Variants in ATP2B1 observed in about 807,000 individuals in gnomAD.
The protein encoded by ATP2B1 is ATPase plasma membrane Ca2+ transporting 1.
ATP2B1 carries 14 observed loss-of-function variants against 124.2 expected under a neutral mutation model. The observed-to-expected ratio is 0.11, with a 90% CI of 0.07 to 0.18. ATP2B1 has a LOEUF of 0.18. Ranked by LOEUF, ATP2B1 falls within the 10% of genes least tolerant of loss-of-function variation. The probability of loss-of-function intolerance (pLI) is 1.00; values close to 1 mark genes in which losing one functional copy is unlikely to be tolerated. For synonymous variants in ATP2B1, 449 were observed against 492.4 expected, an observed-to-expected ratio of 0.91 and a Z score of 1.17; for missense variants, 763 against 1,466.1, an observed-to-expected ratio of 0.52 and a Z score of 7.83.
At chr12:89,655,564 C>T (rs759431748) in intron 2 of ATP2B1, 115 bp downstream of exon 2, 24 of 1,006,018 alleles carry the variant, frequency 2.4e-5, no homozygotes, top group Non-Finnish European at 3.3e-5. Context: ...TTTAATGTCA[C>T]TATAATTATG....
In ATP2B1 at chr12:89,603,950, G is replaced by C; in HGVS notation, c.2635-25C>G. On this transcript the variant is annotated intron_variant, in intron 16 of 20. Coordinates refer to ENST00000428670, the MANE Select transcript of ATP2B1 (RefSeq NM_001366521.1). The surrounding 1 kb of genome is among the most constrained non-coding windows in gnomAD (Gnocchi z 4.3). The stretch of plus-strand genomic sequence containing the variant: ...CCTAGAAAAGATATGTTTCCTAATA[G>C]ACATTCACAACTACTCAGGGGCTCA... 1 of 1,606,334 alleles carries C rather than the reference G, an allele frequency of 6.2e-7. No homozygotes were observed. Among genetic ancestry groups the C allele is most frequent in the South Asian group, 1.1e-5 (1 of 90,648 alleles).
intron 1 of ATP2B1, among the ~76,000 whole-genome samples, chr12:89,686,922 T>C (rs556118359): frequency 6.6e-6 from 1 of 152,148 alleles, no homozygotes; most frequent in East Asian, 1.9e-4. Context: ...TCCTTTAATA[T>C]AATACTCCTC....
At chr12:89,609,847 A>G in intron 15 of ATP2B1, 90 bp downstream of exon 15, 1 of 1,201,116 alleles carries the variant, frequency 8.3e-7, no homozygotes, top group Non-Finnish European at 1.2e-6. Flanking sequence ...AGTGTTTAAA[A>G]TCCATAGTAA....
chr12:89,597,766 G>C (rs1456816900), intron 20 of ATP2B1, among the ~76,000 whole-genome samples: 1 of 151,956 alleles, frequency 6.6e-6, no homozygotes, highest in East Asian at 1.9e-4. Context: ...TAGCTTATAA[G>C]GCTTTTAGAA....
In ATP2B1 at chr12:89,603,958, C is replaced by T. The variant is rs372131719; in HGVS notation, c.2635-33G>A. 15 of 1,599,666 alleles carry T rather than the reference C, an allele frequency of 9.4e-6. No homozygotes were observed. In the African/African-American group the frequency reaches 1.5e-4, roughly 16 times the overall value. On this transcript the variant is annotated intron_variant, in intron 16 of 20. Coordinates refer to ENST00000428670, the MANE Select transcript of ATP2B1 (RefSeq NM_001366521.1). This position sits in a 1 kb window ranked among gnomAD's most constrained non-coding sequence, Gnocchi z 4.3. ...AGATATGTTTCCTAATAGACATTCACAACTACTCAGGGGCTCAGCAATTCT... is the reference window on the plus strand; with the variant it reads ...AGATATGTTTCCTAATAGACATTCATAACTACTCAGGGGCTCAGCAATTCT...
At chr12:89,605,620 T>C (rs1470214299) in intron 15 of ATP2B1, among the ~76,000 whole-genome samples, 2 of 152,144 alleles carry the variant, frequency 1.3e-5, no homozygotes, top group African/African-American at 2.4e-5. Context: ...TATTCTGTTA[T>C]CACAATACAA....
chr12:89,621,083 A>G (rs888173699), intron 10 of ATP2B1, among the ~76,000 whole-genome samples: 4 of 152,154 alleles, frequency 2.6e-5, no homozygotes, highest in Non-Finnish European at 4.4e-5. Context: ...ACTTTACTGC[A>G]TTAGTTCTAA....
chr12:89,636,272 G>A (rs1882697299), intron 3 of ATP2B1, among the ~76,000 whole-genome samples: 1 of 152,162 alleles, frequency 6.6e-6, no homozygotes, highest in Admixed American at 6.5e-5. Flanking sequence ...CAATAATGGT[G>A]AAGAATAACA....
At chr12:89,607,634 A>C (rs2135976108) in intron 15 of ATP2B1, among the ~76,000 whole-genome samples, 1 of 152,322 alleles carries the variant, frequency 6.6e-6, no homozygotes, top group South Asian at 2.1e-4. Flanking sequence ...GGATTACACC[A>C]TGAGATTCAG....
intron 20 of ATP2B1, among the ~76,000 whole-genome samples, chr12:89,597,737 G>C (rs568721733): frequency 6.6e-6 from 1 of 152,168 alleles, no homozygotes; most frequent in South Asian, 2.1e-4. Flanking sequence ...AATGCGCCAT[G>C]AATTCTCAGT....
At chr12:89,651,064 T>C (rs1011750322) in intron 2 of ATP2B1, among the ~76,000 whole-genome samples, 10 of 152,236 alleles carry the variant, frequency 6.6e-5, no homozygotes, top group Admixed American at 2.6e-4. Context: ...CAATTCCAGT[T>C]CACTTTGAAA....
chr12:89,627,567 T>C (rs1470761774), intron 7 of ATP2B1, 111 bp downstream of exon 7: 12 of 1,178,858 alleles, frequency 1.0e-5, no homozygotes, highest in South Asian at 1.3e-5. Context: ...CTAACGTATA[T>C]TGTTGATTTT....
At chr12:89,637,543 CGCAT>C (rs1882896495) in intron 3 of ATP2B1, among the ~76,000 whole-genome samples, 2 of 151,690 alleles carry the variant, frequency 1.3e-5, no homozygotes, top group African/African-American at 4.8e-5. Context: ...GACCACAAGG[CGCAT>C]GCCACCACGC....
At chr12:89,684,963 G>C (rs144233760) in intron 1 of ATP2B1, among the ~76,000 whole-genome samples, 2 of 152,230 alleles carry the variant, frequency 1.3e-5, no homozygotes, top group East Asian at 3.9e-4. Flanking sequence ...TCCAATTTTA[G>C]TAATTGCCTA....
chr12:89,687,599 C>T (rs1480286780), intron 1 of ATP2B1, among the ~76,000 whole-genome samples: 5 of 151,938 alleles, frequency 3.3e-5, no homozygotes, highest in East Asian at 1.9e-4. Flanking sequence ...AATTATTAGG[C>T]AGTAAGGCCA....
intron 1 of ATP2B1, among the ~76,000 whole-genome samples, chr12:89,692,109 C>T (rs1298462138): frequency 6.6e-6 from 1 of 151,968 alleles, no homozygotes; most frequent in Non-Finnish European, 1.5e-5. Flanking sequence ...GAAACCTATA[C>T]ACTTTAAGTT....
At chr12:89,646,708 A>T (rs1884497234) in intron 2 of ATP2B1, among the ~76,000 whole-genome samples, 1 of 152,254 alleles carries the variant, frequency 6.6e-6, no homozygotes, top group East Asian at 1.9e-4. Context: ...TGATTAGAAA[A>T]GAGCTGAACG....
At chr12:89,633,286 CTTT>C (rs1419915405) in intron 5 of ATP2B1, among the ~76,000 whole-genome samples, 1 of 151,672 alleles carries the variant, frequency 6.6e-6, no homozygotes, top group East Asian at 1.9e-4. Context: ...TGTGAATGTT[CTTT>C]TTTCTTTTTT....
At chr12:89,599,344 A>C (rs2135913782) in intron 19 of ATP2B1, 45 bp from the exon 20 acceptor site, 1 of 1,587,268 alleles carries the variant, frequency 6.3e-7, no homozygotes, top group Non-Finnish European at 8.6e-7. Flanking sequence ...ATATCAAGTA[A>C]AGGTAAGCTG....
Sources: gnomAD v4.1 joint callset for allele counts (sites outside exome capture counted in the v4.1 genomes callset) on GRCh38, gnomAD v4.1.1 for gene constraint, Gnocchi (gnomAD v3.1) non-coding constraint, MANE v1.5 for transcripts, NCBI Gene and HGNC (gene_info 2026-07-23, HGNC 2026-07-21) for gene names.